Variants in CNTN1 observed in about 807,000 individuals in gnomAD.
CNTN1 encodes the protein contactin 1.
In CNTN1, 38 loss-of-function variants were observed where a neutral mutation model predicts 126.4. That is an observed-to-expected ratio of 0.30 (90% CI 0.23 to 0.39). The LOEUF (loss-of-function observed/expected upper bound fraction) is 0.39. Ranked by LOEUF, CNTN1 falls within the 10% of genes least tolerant of loss-of-function variation. The pLI is 1.00. For missense variants in CNTN1, 1,009 were observed against 1,248.4 expected (o/e 0.81, Z 2.89); for synonymous variants, 413 against 422.6 (o/e 0.98, Z 0.28).
rs4768309 is a variant in CNTN1 at position 40,772,373 on chromosome 12, T to C, written c.-77+79781T>C. Reference sequence around the variant, plus strand: ...ATCACAATGTAATAGATGACTTCCATAGTAAGTTACCTAGAGGAATTTTAA... The same window carrying C: ...ATCACAATGTAATAGATGACTTCCACAGTAAGTTACCTAGAGGAATTTTAA... On this transcript the variant is annotated intron_variant, in intron 1 of 23. Coordinates refer to ENST00000551295, the MANE Select transcript of CNTN1 (RefSeq NM_001843.4). 4.1e-3 allele frequency among the ~76,000 whole-genome samples: 627 copies of C among 152,154 alleles called. 3 individuals carry two copies. The highest frequency in any genetic ancestry group is 6.7e-3 in the Non-Finnish European group (457 of 67,928).
Position 40,997,858 on chromosome 12 carries a change from C to T in CNTN1, c.2113+4589C>T, listed in dbSNP as rs553841505. On this transcript the variant is annotated intron_variant, in intron 17 of 23. Transcript: ENST00000551295. ...CAGCAAACTTTTATATTTAACATATCGAATTAAAACTAGTTGTACATATTT... is the reference window on the plus strand; with the variant it reads ...CAGCAAACTTTTATATTTAACATATTGAATTAAAACTAGTTGTACATATTT... Among the ~76,000 whole-genome samples the T allele has an allele frequency of 5.3e-5, 8 of 152,104 alleles. 1 individual carries two copies. The highest frequency in any genetic ancestry group is 9.6e-5 in the African/African-American group (4 of 41,496).
chr12:40,834,808 AGAT>A (rs1198712802), intron 1 of CNTN1, among the ~76,000 whole-genome samples: 3 of 152,324 alleles, frequency 2.0e-5, no homozygotes, highest in African/African-American at 7.2e-5. Flanking sequence ...ATGATAAATA[AGAT>A]GATGATCATC....
At chr12:40,787,512 ATAAAT>A (rs1361415197) in intron 1 of CNTN1, among the ~76,000 whole-genome samples, 3 of 152,132 alleles carry the variant, frequency 2.0e-5, no homozygotes, top group African/African-American at 7.2e-5. Flanking sequence ...TTGTATTAGA[ATAAAT>A]TATAGAATAG....
chr12:40,970,303 C>A (rs1947460816), intron 15 of CNTN1, among the ~76,000 whole-genome samples: 1 of 151,794 alleles, frequency 6.6e-6, no homozygotes, highest in Non-Finnish European at 1.5e-5. Flanking sequence ...CAAAAACTAC[C>A]CAAACTGCGT....
At chr12:41,012,474 C>T (rs749416436) in intron 17 of CNTN1, among the ~76,000 whole-genome samples, 9 of 152,068 alleles carry the variant, frequency 5.9e-5, no homozygotes, top group Non-Finnish European at 1.3e-4. Context: ...ATCTTGTGGC[C>T]GATAGCCCAT....
chr12:40,892,957 G>GGGGT (rs1442745907), intron 1 of CNTN1, among the ~76,000 whole-genome samples: 2 of 145,712 alleles, frequency 1.4e-5, no homozygotes, highest in Non-Finnish European at 3.0e-5. Context: ...ATGAAAACTG[G>GGGGT]GGGGGGTGAA....
chr12:40,950,344 T>C (rs1489381122), intron 14 of CNTN1, among the ~76,000 whole-genome samples: 1 of 152,138 alleles, frequency 6.6e-6, no homozygotes. Flanking sequence ...AGATGTTATA[T>C]TGTTTTGAGC....
At chr12:40,744,365 G>A (rs1464138458) in intron 1 of CNTN1, among the ~76,000 whole-genome samples, 1 of 151,826 alleles carries the variant, frequency 6.6e-6, no homozygotes, top group Non-Finnish European at 1.5e-5. Flanking sequence ...GAATGAGGGT[G>A]GAAAAGATCC....
intron 1 of CNTN1, among the ~76,000 whole-genome samples, chr12:40,747,008 G>C (rs1938212022): frequency 6.6e-6 from 1 of 152,002 alleles, no homozygotes; most frequent in Non-Finnish European, 1.5e-5. Context: ...TGACATTCCT[G>C]GTGGGGTACG....
At chr12:40,797,041 T>C (rs1940464764) in intron 1 of CNTN1, among the ~76,000 whole-genome samples, 1 of 152,112 alleles carries the variant, frequency 6.6e-6, no homozygotes, top group African/African-American at 2.4e-5. Flanking sequence ...CCCCATCTTA[T>C]TAGCACCTAA....
chr12:40,989,977 G>T (rs114269309), intron 16 of CNTN1, among the ~76,000 whole-genome samples: 1,748 of 151,940 alleles, frequency 0.012, 26 homozygotes, highest in African/African-American at 0.041. Context: ...TGTGGTTGGG[G>T]TCAGAAGTGC....
At chr12:40,852,646 CTGA>C (rs1053573342) in intron 1 of CNTN1, among the ~76,000 whole-genome samples, 1 of 151,874 alleles carries the variant, frequency 6.6e-6, no homozygotes, top group Admixed American at 6.6e-5. Flanking sequence ...GATTCAACAG[CTGA>C]TGTCATAGAA....
intron 1 of CNTN1, among the ~76,000 whole-genome samples, chr12:40,799,980 T>C (rs1294228007): frequency 6.6e-6 from 1 of 152,014 alleles, no homozygotes; most frequent in African/African-American, 2.4e-5. Context: ...AAATGAAAGT[T>C]CATGCTTTTA....
intron 1 of CNTN1, among the ~76,000 whole-genome samples, chr12:40,842,209 A>C (rs559695741): frequency 5.9e-5 from 9 of 152,204 alleles, no homozygotes; most frequent in Admixed American, 5.9e-4. Flanking sequence ...ACCCTGCTGA[A>C]ATATCAGTGA....
chr12:40,758,972 T>A (rs1938726745), intron 1 of CNTN1, among the ~76,000 whole-genome samples: 1 of 152,056 alleles, frequency 6.6e-6, no homozygotes, highest in Non-Finnish European at 1.5e-5. Flanking sequence ...TGGCCCGACC[T>A]CAGCTCACTG....
At chr12:40,847,235 G>A (rs1592153210) in intron 1 of CNTN1, among the ~76,000 whole-genome samples, 1 of 152,108 alleles carries the variant, frequency 6.6e-6, no homozygotes, top group East Asian at 1.9e-4. Flanking sequence ...TCTTTAAAGG[G>A]CACCCATTTT....
intron 1 of CNTN1, among the ~76,000 whole-genome samples, chr12:40,886,783 T>C (rs1198108744): frequency 2.0e-5 from 3 of 152,198 alleles, no homozygotes; most frequent in Admixed American, 1.3e-4. Context: ...GCTTTCTACA[T>C]ATGGCTAGCC....
intron 1 of CNTN1, among the ~76,000 whole-genome samples, chr12:40,744,378 C>T (rs905813599): frequency 1.3e-5 from 2 of 151,844 alleles, no homozygotes; most frequent in East Asian, 3.9e-4. Context: ...AAAGATCCAT[C>T]AATTTCAGTA....
intron 1 of CNTN1, among the ~76,000 whole-genome samples, chr12:40,789,971 C>T (rs1255522086): frequency 6.6e-6 from 1 of 152,080 alleles, no homozygotes; most frequent in Non-Finnish European, 1.5e-5. Context: ...CTTAACATTT[C>T]TTCTTCCATC....
Sources: allele counts gnomAD v4.1 joint callset (sites outside exome capture counted in the v4.1 genomes callset), GRCh38; gene constraint gnomAD v4.1.1; transcripts MANE v1.5; gene names NCBI Gene and HGNC (gene_info 2026-07-23, HGNC 2026-07-21).